Variants in GALNTL6 observed in about 807,000 individuals in gnomAD.
GALNTL6 encodes the protein polypeptide N-acetylgalactosaminyltransferase like 6, also known as polypeptide N-acetylgalactosaminyltransferase-like 6.
In GALNTL6, 46 loss-of-function variants were observed where a neutral mutation model predicts 73.7. The ratio of observed to expected loss-of-function variants is 0.62; its 90% confidence interval spans 0.49 to 0.80. The LOEUF (loss-of-function observed/expected upper bound fraction) is 0.80. GALNTL6 is among the 30% of genes least tolerant of loss of function. The pLI, the probability that GALNTL6 is intolerant of heterozygous loss-of-function variation, is 0.00. For synonymous variants in GALNTL6, 259 were observed against 263.7 expected (o/e 0.98, Z 0.17); for missense variants, 604 against 755.0 (o/e 0.80, Z 2.34).
intron 5 of GALNTL6, among the ~76,000 whole-genome samples, chr4:172,385,567 CTA>C (rs1579021557): frequency 1.3e-5 from 2 of 151,824 alleles, no homozygotes; most frequent in African/African-American, 4.8e-5. Context: ...GTTTTACAAT[CTA>C]TTTTTTAAAA....
chr4:171,889,041 A>G (rs945817637), intron 2 of GALNTL6, among the ~76,000 whole-genome samples: 4 of 152,108 alleles, frequency 2.6e-5, no homozygotes, highest in African/African-American at 7.2e-5. Context: ...AGAAAAAAGA[A>G]AAGAAAAGAG....
At position 172,590,601 on chromosome 4, in the gene GALNTL6, A is replaced by G. The variant is rs185629128; in HGVS notation, c.554-218760A>G. ...GAACTCGCTTCAGAATGAACATAGT[A>G]TAATTCACTTTTCAATTTCACACCC... On this transcript the variant is annotated intron_variant, in intron 5 of 12. Transcript: ENST00000506823. 7.9e-5 allele frequency among the ~76,000 whole-genome samples: 12 copies of G among 152,306 alleles called. No homozygotes were observed. In the East Asian group the frequency reaches 2.3e-3, roughly 29 times the overall value.
At chr4:172,661,823 T>C (rs1271231444) in intron 5 of GALNTL6, among the ~76,000 whole-genome samples, 2 of 152,132 alleles carry the variant, frequency 1.3e-5, no homozygotes, top group East Asian at 3.9e-4. Context: ...CTAATATTTA[T>C]TGAACACCCT....
intron 2 of GALNTL6, among the ~76,000 whole-genome samples, chr4:172,169,149 A>G (rs891249381): frequency 6.6e-6 from 1 of 151,860 alleles, no homozygotes; most frequent in Non-Finnish European, 1.5e-5. Context: ...GTCGTGTAGG[A>G]CTGAAGAAGT....
chr4:172,937,703 C>T (rs1326596757), intron 9 of GALNTL6, among the ~76,000 whole-genome samples: 7 of 152,156 alleles, frequency 4.6e-5, no homozygotes, highest in African/African-American at 9.7e-5. Flanking sequence ...TTGACAGTAA[C>T]GTACAGTCCA....
intron 5 of GALNTL6, among the ~76,000 whole-genome samples, chr4:172,730,009 C>A (rs1736053667): frequency 6.6e-6 from 1 of 152,030 alleles, no homozygotes; most frequent in African/African-American, 2.4e-5. Flanking sequence ...AATGGAATTA[C>A]TTTCATGATT....
At chr4:172,755,067 T>G (rs1737667780) in intron 5 of GALNTL6, among the ~76,000 whole-genome samples, 2 of 152,128 alleles carry the variant, frequency 1.3e-5, no homozygotes, top group African/African-American at 4.8e-5. Flanking sequence ...CCTAACTTAC[T>G]TACTAATACT....
At chr4:172,977,837 T>C (rs145474188) in intron 10 of GALNTL6, among the ~76,000 whole-genome samples, 42 of 152,164 alleles carry the variant, frequency 2.8e-4, no homozygotes, top group African/African-American at 1.0e-3. Flanking sequence ...TCCACCTGTG[T>C]GTTTGGTTTC....
chr4:172,484,894 T>C (rs1461391645), intron 5 of GALNTL6, among the ~76,000 whole-genome samples: 1 of 152,148 alleles, frequency 6.6e-6, no homozygotes, highest in Non-Finnish European at 1.5e-5. Flanking sequence ...ATTTGTGTCA[T>C]ATGAAAACAT....
chr4:172,420,991 C>T (rs1283860092), intron 5 of GALNTL6, among the ~76,000 whole-genome samples: 1 of 151,578 alleles, frequency 6.6e-6, no homozygotes, highest in Non-Finnish European at 1.5e-5. Flanking sequence ...GGAGGGGAAC[C>T]AGGGCCTGTC....
At chr4:172,633,144 C>T (rs759374834) in intron 5 of GALNTL6, among the ~76,000 whole-genome samples, 1 of 152,188 alleles carries the variant, frequency 6.6e-6, no homozygotes, top group Non-Finnish European at 1.5e-5. Flanking sequence ...AGAGTCCCCA[C>T]TGAAGAACTG....
At chr4:171,973,874 C>T (rs1446353012) in intron 2 of GALNTL6, among the ~76,000 whole-genome samples, 1 of 152,114 alleles carries the variant, frequency 6.6e-6, no homozygotes, top group Non-Finnish European at 1.5e-5. Context: ...TTTCATTGAA[C>T]TGAAATGAGA....
intron 2 of GALNTL6, among the ~76,000 whole-genome samples, chr4:171,878,736 C>T (rs1233380761): frequency 6.6e-6 from 1 of 152,100 alleles, no homozygotes; most frequent in African/African-American, 2.4e-5. Flanking sequence ...ACAAAAATTT[C>T]ATGTCAAATT....
chr4:172,863,409 G>T (rs185332807), intron 7 of GALNTL6, among the ~76,000 whole-genome samples: 3 of 152,266 alleles, frequency 2.0e-5, no homozygotes, highest in Admixed American at 2.0e-4. Flanking sequence ...AGGCGGAGCT[G>T]CCCAAGGCTG....
chr4:172,588,681 A>G (rs556851206), intron 5 of GALNTL6, among the ~76,000 whole-genome samples: 1 of 152,252 alleles, frequency 6.6e-6, no homozygotes, highest in African/African-American at 2.4e-5. Context: ...TTAGAAAGCA[A>G]CATGGTAAGT....
chr4:172,607,740 T>C (rs1465572894), intron 5 of GALNTL6, among the ~76,000 whole-genome samples: 2 of 152,174 alleles, frequency 1.3e-5, no homozygotes, highest in Non-Finnish European at 2.9e-5. Context: ...CTTTCCTTTA[T>C]AGCCTCATCA....
chr4:171,952,256 G>A (rs1738907055), intron 2 of GALNTL6, among the ~76,000 whole-genome samples: 1 of 151,768 alleles, frequency 6.6e-6, no homozygotes, highest in Admixed American at 6.6e-5. Context: ...GAGTCAAAAA[G>A]AGATTGAAAA....
intron 5 of GALNTL6, among the ~76,000 whole-genome samples, chr4:172,499,550 A>T (rs1734189210): frequency 6.6e-6 from 1 of 152,242 alleles, no homozygotes; most frequent in African/African-American, 2.4e-5. Context: ...TATCCAAAAT[A>T]TCCAGGACAG....
chr4:172,126,950 C>A (rs952749198), intron 2 of GALNTL6, among the ~76,000 whole-genome samples: 1 of 152,222 alleles, frequency 6.6e-6, no homozygotes, highest in African/African-American at 2.4e-5. Context: ...CAGCAGGAAG[C>A]CACCACACAT....
Sources: gnomAD v4.1 joint callset for allele counts (sites outside exome capture counted in the v4.1 genomes callset) on GRCh38, gnomAD v4.1.1 for gene constraint, MANE v1.5 for transcripts, NCBI Gene and HGNC (gene_info 2026-07-23, HGNC 2026-07-21) for gene names.